ENTREP1: variants seen among roughly 807,000 people sequenced by gnomAD.
ENTREP1 encodes the protein Friedreich ataxia region gene X123.
the ENTREP1 span, among the ~76,000 whole-genome samples, chr9:69,367,231 C>T: frequency 2.6e-5 from 4 of 151,520 alleles, no homozygotes; most frequent in Admixed American, 2.6e-4. Context: ...CACACCTAGT[C>T]TATATATTTG....
the ENTREP1 span, chr9:69,388,440 T>C: frequency 6.3e-7 from 1 of 1,594,020 alleles, no homozygotes; most frequent in Non-Finnish European, 8.5e-7. Flanking sequence ...AGTGCCAGTT[T>C]TCTAGAACAG....
chr9:69,326,208 T>C, the ENTREP1 span, among the ~76,000 whole-genome samples: 3 of 152,248 alleles, frequency 2.0e-5, no homozygotes, highest in East Asian at 5.8e-4. Flanking sequence ...GCTTGTTTTA[T>C]TCTGCATTAA....
At chr9:69,343,249 G>A in the ENTREP1 span, among the ~76,000 whole-genome samples, 1 of 152,228 alleles carries the variant, frequency 6.6e-6, no homozygotes, top group African/African-American at 2.4e-5. Flanking sequence ...AACAGAGTGT[G>A]TGAACAATGT....
the ENTREP1 span, among the ~76,000 whole-genome samples, chr9:69,359,398 C>G: frequency 6.6e-6 from 1 of 152,154 alleles, no homozygotes; most frequent in African/African-American, 2.4e-5. Flanking sequence ...CCATAATCCC[C>G]ACGTGTCAAG....
the ENTREP1 span, chr9:69,379,620 C>A: frequency 1.3e-5 from 2 of 152,176 alleles, no homozygotes; most frequent in African/African-American, 4.8e-5. Flanking sequence ...ATCTTAGCGC[C>A]GTCTCAGGCT....
the ENTREP1 span, among the ~76,000 whole-genome samples, chr9:69,353,849 C>T: frequency 2.6e-5 from 4 of 152,076 alleles, no homozygotes; most frequent in Admixed American, 1.3e-4. Flanking sequence ...CTCCAATTGG[C>T]TTATATGTTA....
chr9:69,340,625 ATGTGTGTGTGCG>A, the ENTREP1 span, among the ~76,000 whole-genome samples: 885 of 63,596 alleles, frequency 0.014, 22 homozygotes, highest in South Asian at 0.063. Flanking sequence ...GTGTGTGTGC[ATGTGTGTGTGCG>A]TGCATGTGTG....
chr9:69,357,157 T>C, the ENTREP1 span, among the ~76,000 whole-genome samples: 9 of 149,634 alleles, frequency 6.0e-5, no homozygotes, highest in Non-Finnish European at 1.3e-4. Context: ...GACAATGTGC[T>C]AAAAGGAGGG....
At chr9:69,372,380 A>C in the ENTREP1 span, among the ~76,000 whole-genome samples, 5 of 152,158 alleles carry the variant, frequency 3.3e-5, no homozygotes, top group Non-Finnish European at 7.4e-5. Flanking sequence ...ACCATTTCAC[A>C]TTCCGTTTCT....
the ENTREP1 span, among the ~76,000 whole-genome samples, chr9:69,335,576 A>G: frequency 0.64 from 96,952 of 151,932 alleles, 31,426 homozygotes; most frequent in African/African-American, 0.75. Context: ...GCTTGAGAGC[A>G]GGTAAGAGAA....
At chr9:69,369,895 C>G in the ENTREP1 span, among the ~76,000 whole-genome samples, 1 of 152,068 alleles carries the variant, frequency 6.6e-6, no homozygotes, top group Non-Finnish European at 1.5e-5. Context: ...TTTAATTGGG[C>G]TGCTTGTCTC....
chr9:69,376,903 A>T, the ENTREP1 span, among the ~76,000 whole-genome samples: 1 of 152,146 alleles, frequency 6.6e-6, no homozygotes. Context: ...CGTCGTGTGC[A>T]TGGGGCAGCA....
the ENTREP1 span, chr9:69,336,229 T>C: frequency 6.3e-7 from 1 of 1,579,024 alleles, no homozygotes; most frequent in Non-Finnish European, 8.7e-7. Context: ...CTCTCTGGAA[T>C]CATAGGATTA....
the ENTREP1 span, among the ~76,000 whole-genome samples, chr9:69,366,970 G>T: frequency 1.3e-5 from 2 of 151,978 alleles, no homozygotes; most frequent in Non-Finnish European, 2.9e-5. Context: ...ACGCTGAAGT[G>T]CAGTGGCATG....
the ENTREP1 span, chr9:69,386,637 G>T: frequency 1.3e-5 from 2 of 152,188 alleles, no homozygotes; most frequent in East Asian, 3.9e-4. Context: ...TTCTTCTTGT[G>T]AAGTAGTCTA....
chr9:69,365,967 GT>G, the ENTREP1 span, among the ~76,000 whole-genome samples: 1 of 152,150 alleles, frequency 6.6e-6, no homozygotes, highest in East Asian at 1.9e-4. Flanking sequence ...CTTAGCTATT[GT>G]GAATAGTACT....
At chr9:69,356,730 C>A in the ENTREP1 span, among the ~76,000 whole-genome samples, 2 of 152,314 alleles carry the variant, frequency 1.3e-5, no homozygotes, top group East Asian at 3.9e-4. Context: ...TCCCAAGGGG[C>A]ATAGCAGATC....
chr9:69,327,723 A>G, the ENTREP1 span, among the ~76,000 whole-genome samples: 1 of 152,208 alleles, frequency 6.6e-6, no homozygotes, highest in African/African-American at 2.4e-5. Flanking sequence ...TGGGCACACC[A>G]GAGGAGAGAA....
the ENTREP1 span, chr9:69,377,787 G>C: frequency 3.2e-6 from 5 of 1,563,748 alleles, no homozygotes; most frequent in Non-Finnish European, 4.3e-6. Flanking sequence ...GGGATGCTGT[G>C]GGTTCTGAAG....
Sources: allele counts gnomAD v4.1 joint callset (sites outside exome capture counted in the v4.1 genomes callset), GRCh38; gene constraint gnomAD v4.1.1; transcripts MANE v1.5; gene names NCBI Gene and HGNC (gene_info 2026-07-23, HGNC 2026-07-21).